Variants in C2orf74 observed in about 807,000 individuals in gnomAD.
C2orf74 encodes the protein uncharacterized protein C2orf74.
In C2orf74, 14 loss-of-function variants were observed where a neutral mutation model predicts 17.9. The ratio of observed to expected loss-of-function variants is 0.78; its 90% CI spans 0.52 to 1.22. The LOEUF is 1.22. C2orf74 is among the 50% of genes most tolerant of loss of function. C2orf74 has a pLI of 0.00. For missense variants in C2orf74, 217 were observed against 218.4 expected, an observed-to-expected ratio of 0.99 and a Z score of 0.04; for synonymous variants, 79 against 72.6, an observed-to-expected ratio of 1.09 and a Z score of -0.44.
upstream of C2orf74, among the ~76,000 whole-genome samples, chr2:61,160,010 T>C (rs570302704): frequency 3.9e-5 from 6 of 152,338 alleles, no homozygotes; most frequent in East Asian, 1.9e-4. Flanking sequence ...CTGCTAACCA[T>C]GATTCTGCTT....
At chr2:61,158,933 A>T (rs1345681651), upstream of C2orf74, among the ~76,000 whole-genome samples, 3 of 152,166 alleles carry the variant, frequency 2.0e-5, no homozygotes, top group African/African-American at 4.8e-5. Flanking sequence ...AGCCCAATGG[A>T]TGGTGATTGC....
intron 1 of C2orf74, among the ~76,000 whole-genome samples, chr2:61,157,126 C>T (rs927286255): frequency 2.6e-5 from 4 of 152,164 alleles, no homozygotes; most frequent in Non-Finnish European, 4.4e-5. Flanking sequence ...ACCTCCCCTC[C>T]GCCTCCTGGG....
chr2:61,149,903 G>T (rs1685177529), intron 1 of C2orf74, among the ~76,000 whole-genome samples: 1 of 152,078 alleles, frequency 6.6e-6, no homozygotes, highest in Non-Finnish European at 1.5e-5. Flanking sequence ...TGATGGGGGA[G>T]CCCAAAAGAG....
chr2:61,155,645 C>T (rs1052579657), intron 1 of C2orf74, among the ~76,000 whole-genome samples: 5 of 151,954 alleles, frequency 3.3e-5, no homozygotes, highest in African/African-American at 4.8e-5. Flanking sequence ...CTCAGCCTCC[C>T]GAGTAGCTGG....
At chr2:61,147,273 G>A (rs1040894469) in intron 1 of C2orf74, among the ~76,000 whole-genome samples, 4 of 150,370 alleles carry the variant, frequency 2.7e-5, no homozygotes, top group South Asian at 2.1e-4. Flanking sequence ...GCACAATGGC[G>A]CCATCACAAC....
upstream of C2orf74, among the ~76,000 whole-genome samples, chr2:61,159,122 A>G (rs1411639911): frequency 6.6e-6 from 1 of 151,890 alleles, no homozygotes; most frequent in Non-Finnish European, 1.5e-5. Context: ...TCAGCCTCCC[A>G]AGTAGCTGGG....
At chr2:61,162,706 G>C in intron 2 of C2orf74, 97 bp downstream of exon 2, 1 of 1,065,148 alleles carries the variant, frequency 9.4e-7, no homozygotes, top group Non-Finnish European at 1.4e-6. Flanking sequence ...AACAAGTAAT[G>C]ATACCATAAT....
At chr2:61,152,347 C>A (rs1573708566) in intron 1 of C2orf74, among the ~76,000 whole-genome samples, 1 of 150,698 alleles carries the variant, frequency 6.6e-6, no homozygotes, top group East Asian at 2.0e-4. Context: ...CGAGACCATC[C>A]TGGCTAATAT....
Position 61,163,076 on chromosome 2 carries a change from G to A in C2orf74, c.234G>A (p.Leu78=). ...GGATCTTAATGCAAGTCATGAACTTGAATGTGCCGATGAGGCCTGGCATTC... is the reference window on the plus strand; with the variant it reads ...GGATCTTAATGCAAGTCATGAACTTAAATGTGCCGATGAGGCCTGGCATTC... ...HERILMQVMN[L]NVPMRPGILV... The change falls in exon 4 of 5, where the codon TTG becomes TTA. Residue 78 remains leucine (L), a synonymous_variant. Coordinates refer to ENST00000432605, the MANE Select transcript of C2orf74 (RefSeq NM_001143959.4). 6.4e-7 allele frequency: 1 copy of A among 1,552,138 alleles called. No homozygotes were observed. Among genetic ancestry groups the A allele is most frequent in the Non-Finnish European group, 8.7e-7 (1 of 1,147,054 alleles).
Position 61,162,306 on chromosome 2 carries a change from GAGAAATTAGCC to G in C2orf74, c.-111_-101del. The G allele has an allele frequency of 1.7e-6, 1 of 583,260 alleles. No homozygotes were observed. Among genetic ancestry groups the G allele is most frequent in the East Asian group, 2.9e-5 (1 of 34,886 alleles). 36.1% of individuals were successfully genotyped at this position (583,260 alleles called of 1,614,324 possible). On this transcript the variant is annotated 5_prime_UTR_variant, in exon 1 of 5. An upstream open reading frame in the 5' UTR gains an earlier in-frame stop. Transcript: ENST00000432605. ...CCTCAGCCCCCACCACAGTTATGGA[GAGAAATTAGCC>G]AGTGTGAGTCAACTCTGCAACAAGC... is the stretch of plus-strand genomic sequence containing the variant.
At position 61,163,131 on chromosome 2, in the gene C2orf74, G is replaced by A. The variant is rs1685618158; in HGVS notation, c.289G>A (p.Ala97Thr). 2 of 1,552,088 alleles carry A rather than the reference G, an allele frequency of 1.3e-6. No homozygotes were observed. The highest frequency in any genetic ancestry group is 1.7e-6 in the Non-Finnish European group (2 of 1,147,078). The part of the protein sequence containing the change: ...LVQRQSKEVL[A>T]TPLENRRDME... ...CCAGAGACAGAGTAAGGAAGTGTTG[G>A]CCACACCCTTAGAAAACAGAAGGGA... The change falls in exon 4 of 5, where the codon GCC becomes ACC. Residue 97 changes from alanine to threonine, a missense_variant. Coordinates refer to ENST00000432605, the MANE Select transcript of C2orf74 (RefSeq NM_001143959.4).
At chr2:61,162,763 T>G in intron 2 of C2orf74, 79 bp from the exon 3 acceptor site, 1 of 1,234,592 alleles carries the variant, frequency 8.1e-7, no homozygotes, top group Non-Finnish European at 1.2e-6. Context: ...ATATCCTGTT[T>G]AAACGTGAAG....
intron 2 of C2orf74, 84 bp from the exon 3 acceptor site, chr2:61,162,758 C>G: frequency 8.5e-7 from 1 of 1,175,824 alleles, no homozygotes; most frequent in South Asian, 1.3e-5. Context: ...TGCTGATATC[C>G]TGTTTAAACG....
chr2:61,152,823 G>A (rs1685271993), intron 1 of C2orf74, among the ~76,000 whole-genome samples: 1 of 130,124 alleles, frequency 7.7e-6, no homozygotes, highest in African/African-American at 2.9e-5. Context: ...ACTCCAGCCT[G>A]GGCAACAAGA....
At chr2:61,155,255 C>G (rs573630227) in intron 1 of C2orf74, among the ~76,000 whole-genome samples, 1 of 152,258 alleles carries the variant, frequency 6.6e-6, no homozygotes, top group South Asian at 2.1e-4. Flanking sequence ...AATTTCTAGG[C>G]TTGAGAAAAT....
At chr2:61,149,785 G>A (rs1685173995) in intron 1 of C2orf74, among the ~76,000 whole-genome samples, 1 of 151,818 alleles carries the variant, frequency 6.6e-6, no homozygotes, top group Non-Finnish European at 1.5e-5. Context: ...CTCCATGTTG[G>A]TCAGGCTGGT....
intron 1 of C2orf74, among the ~76,000 whole-genome samples, chr2:61,152,670 G>A (rs1160238356): frequency 1.3e-5 from 2 of 151,148 alleles, no homozygotes; most frequent in Non-Finnish European, 2.9e-5. Context: ...GCAACATGGT[G>A]AAACCCCATC....
At chr2:61,164,172 G>A (rs1296423722) in intron 4 of C2orf74, among the ~76,000 whole-genome samples, 182 bp from the exon 5 acceptor site, 1 of 152,104 alleles carries the variant, frequency 6.6e-6, no homozygotes, top group African/African-American at 2.4e-5. Context: ...ATATGTCAGT[G>A]TGTGCTTTTA....
At chr2:61,163,882 T>C (rs781293646) in intron 4 of C2orf74, among the ~76,000 whole-genome samples, 8 of 152,072 alleles carry the variant, frequency 5.3e-5, no homozygotes, top group Admixed American at 5.2e-4. Context: ...TCCAGCCCTC[T>C]CCTGTTTCCA....
Sources: allele counts gnomAD v4.1 joint callset (sites outside exome capture counted in the v4.1 genomes callset), GRCh38; gene constraint gnomAD v4.1.1; transcripts MANE v1.5; gene names NCBI Gene and HGNC (gene_info 2026-07-23, HGNC 2026-07-21).